Variants in ZFYVE27 observed in about 807,000 individuals in gnomAD.
ZFYVE27 encodes the protein zinc finger FYVE-type containing 27.
ZFYVE27 carries 36 observed loss-of-function variants against 52.8 expected under a neutral mutation model. The ratio of observed to expected loss-of-function variants is 0.68; its 90% CI spans 0.52 to 0.90. The LOEUF (loss-of-function observed/expected upper bound fraction) is 0.90. ZFYVE27 is among the 40% of genes least tolerant of loss of function. The probability of loss-of-function intolerance (pLI) is 0.00; values close to 1 mark genes in which losing one functional copy is unlikely to be tolerated. For missense variants in ZFYVE27, 450 were observed against 527.2 expected (o/e 0.85, Z 1.43); for synonymous variants, 223 against 215.6 (o/e 1.03, Z -0.30).
rs1378005820 is a variant in ZFYVE27 at position 97,752,845 on chromosome 10, C to T, written c.877-12C>T. ...CTGTTTTCTCTCCTCTTCCCCGCAC[C>T]TTGGGAGGCAGGAGACCCACTTGGT... is the stretch of plus-strand genomic sequence containing the variant. On this transcript the variant is annotated splice_polypyrimidine_tract_variant and intron_variant, in intron 8 of 12. Transcript: ENST00000684270. The T allele has an allele frequency of 6.2e-7, 1 of 1,608,306 alleles. No homozygotes were observed. The highest frequency in any genetic ancestry group is 1.1e-5 in the South Asian group (1 of 90,956).
At position 97,739,883 on chromosome 10, in the gene ZFYVE27, GTGTT is replaced by G. The variant is rs1439554020; in HGVS notation, c.197+1211_197+1214del. Among the ~76,000 whole-genome samples the G allele has an allele frequency of 1.5e-4, 16 of 105,420 alleles. No individual in the cohort carries two copies. In the East Asian group the frequency reaches 3.7e-3, roughly 24 times the overall value. The allele number at this position is 105,420 out of a possible 152,430, so 69.2% of individuals were successfully genotyped here. On this transcript the variant is annotated intron_variant, in intron 2 of 12. Coordinates refer to ENST00000684270, the MANE Select transcript of ZFYVE27 (RefSeq NM_001385875.1). ...GTTGGATTTGATTGAAGTTAGAAAA[GTGTT>G]TTTTTTTTTTTTTGCAAAGGTAAAT...
intron 8 of ZFYVE27, 96 bp from the exon 9 acceptor site, chr10:97,752,761 C>T: frequency 7.3e-7 from 1 of 1,376,530 alleles, no homozygotes; most frequent in Non-Finnish European, 1.0e-6. Flanking sequence ...CGCTTCCATG[C>T]TTCCTTCTGC....
intron 10 of ZFYVE27, among the ~76,000 whole-genome samples, 153 bp downstream of exon 10, chr10:97,753,335 C>T (rs1319650346): frequency 6.6e-6 from 1 of 152,002 alleles, no homozygotes; most frequent in East Asian, 1.9e-4. Flanking sequence ...CGCGGGACCC[C>T]GGGGAGCTAG....
intron 7 of ZFYVE27, among the ~76,000 whole-genome samples, chr10:97,750,676 T>C (rs919806944): frequency 6.6e-6 from 1 of 152,152 alleles, no homozygotes; most frequent in Non-Finnish European, 1.5e-5. Flanking sequence ...CAGATGCTGC[T>C]CCAAGTGCTT....
chr10:97,742,541 C>T (rs1255602074), intron 2 of ZFYVE27, among the ~76,000 whole-genome samples: 1 of 152,104 alleles, frequency 6.6e-6, no homozygotes, highest in Non-Finnish European at 1.5e-5. Context: ...AAAATCTTTA[C>T]TATTGTTTCT....
In ZFYVE27 at chr10:97,759,363, C is replaced by T; in HGVS notation, c.*63C>T. On this transcript the variant is annotated 3_prime_UTR_variant, in exon 13 of 13. Coordinates refer to ENST00000684270, the MANE Select transcript of ZFYVE27 (RefSeq NM_001385875.1). The stretch of plus-strand genomic sequence containing the variant: ...GGACCAGCAGTAGACCCCCCACTCT[C>T]CCCACCCCTGGCCCACTGTGGTGTG... The T allele has an allele frequency of 6.4e-7, 1 of 1,571,218 alleles. No homozygotes were observed. The highest frequency in any genetic ancestry group is 1.3e-5 in the African/African-American group (1 of 74,146).
intron 10 of ZFYVE27, among the ~76,000 whole-genome samples, chr10:97,757,046 A>G (rs549747244): frequency 6.6e-6 from 1 of 152,242 alleles, no homozygotes; most frequent in South Asian, 2.1e-4. Context: ...AGGGACTGGT[A>G]GCTATGTATG....
chr10:97,742,276 C>G (rs1013394779), intron 2 of ZFYVE27, among the ~76,000 whole-genome samples: 6 of 152,088 alleles, frequency 3.9e-5, no homozygotes, highest in Middle Eastern at 3.4e-3. Flanking sequence ...TTCATTGTTG[C>G]ATCTGTGCTC....
Sources: allele counts gnomAD v4.1 joint callset (sites outside exome capture counted in the v4.1 genomes callset), GRCh38; gene constraint gnomAD v4.1.1; transcripts MANE v1.5; gene names NCBI Gene and HGNC (gene_info 2026-07-23, HGNC 2026-07-21).